The following DOCK5 variants were observed in gnomAD, a reference collection of about 807,000 sequenced individuals.
DOCK5 encodes the protein dedicator of cytokinesis protein 5.
In DOCK5, 142 loss-of-function variants were observed where a neutral mutation model predicts 251.8. The observed-to-expected ratio is 0.56, with a 90% confidence interval of 0.49 to 0.65. The LOEUF is 0.65. Among genes scored for constraint, DOCK5 ranks in the 30% least tolerant of loss-of-function variants. The pLI, the probability that DOCK5 is intolerant of heterozygous loss-of-function variation, is 0.00. For synonymous variants in DOCK5, 842 were observed against 835.5 expected (o/e 1.01, Z -0.13); for missense variants, 2,111 against 2,312.3 (o/e 0.91, Z 1.79).
At chr8:25,407,259 T>C (rs144398373) in intron 48 of DOCK5, among the ~76,000 whole-genome samples, 9 of 152,214 alleles carry the variant, frequency 5.9e-5, no homozygotes, top group African/African-American at 2.2e-4. Flanking sequence ...TAGATTACAT[T>C]CTAGTAGTAT....
rs375221561 is a variant in DOCK5 at position 25,210,008 on chromosome 8, T to TTATATATATA, written c.43+25074_43+25083dup. On this transcript the variant is annotated intron_variant, in intron 1 of 51. Transcript: ENST00000276440. ...GGCACATGCCACCATCCCCGGCTAA[T>TTATATATATA]TATATATATATATATATATATATAT... Among the ~76,000 whole-genome samples, 26 of 27,210 alleles carry TTATATATATA rather than the reference T, an allele frequency of 9.6e-4. 3 individuals carry two copies. The highest frequency in any genetic ancestry group is 2.6e-3 in the African/African-American group (24 of 9,294). 17.9% of individuals were successfully genotyped at this position (27,210 alleles called of 152,430 possible).
intron 1 of DOCK5, among the ~76,000 whole-genome samples, chr8:25,220,519 G>T (rs954339894): frequency 2.0e-5 from 3 of 151,456 alleles, no homozygotes; most frequent in Non-Finnish European, 4.4e-5. Context: ...AGCAGGAGGG[G>T]CTGGGGTCAC....
In DOCK5 at chr8:25,345,552, C is replaced by G. The variant is rs1186955493; in HGVS notation, c.2695C>G (p.His899Asp). 2 of 1,613,826 alleles carry G rather than the reference C, an allele frequency of 1.2e-6. No individual in the cohort carries two copies. The highest frequency in any genetic ancestry group is 2.2e-5 in the East Asian group (1 of 44,884). Residue 899 changes from histidine (H) to aspartate (D), a missense_variant, in exon 26 of 52, where the codon CAC (histidine) becomes GAC (aspartate). His to Asp is a moderately conservative substitution (Grantham distance 81). This residue lies in a region of DOCK5 where 1,717 missense variants were observed against 1,892.4 expected (regional missense o/e 0.91). Transcript: ENST00000276440. ...QLDDNSNKPDHEASSQLLSNI... is the reference protein window; with the variant it reads ...QLDDNSNKPDDEASSQLLSNI... ...AGATGACAACTCCAACAAGCCTGAC[C>G]ACGAGGCAAGCTCGCAGCTTCTGAG...
At chr8:25,362,839 C>T (rs1377142807) in intron 28 of DOCK5, among the ~76,000 whole-genome samples, 1 of 152,126 alleles carries the variant, frequency 6.6e-6, no homozygotes, top group African/African-American at 2.4e-5. Context: ...CCTCATCTTC[C>T]TTATAGGGTC....
chr8:25,336,273 A>G lies in DOCK5; in HGVS notation c.2227A>G (p.Asn743Asp), dbSNP rs757209496. ...CAAGGTACTGAACTTCTATGTGGCT[A>G]ATGCAGATGACTCCAGCAAGACTGA... Reference protein sequence around the residue: ...LSKVLNFYVANADDSSKTELL... With the variant: ...LSKVLNFYVADADDSSKTELL... The change falls in exon 22 of 52, where the codon AAT becomes GAT. Residue 743 changes from asparagine (N) to aspartate (D), a missense_variant. Transcript: ENST00000276440. 5 of 1,613,892 alleles carry G rather than the reference A, an allele frequency of 3.1e-6. No homozygotes were observed. Among genetic ancestry groups the G allele is most frequent in the Non-Finnish European group, 3.4e-6 (4 of 1,179,820 alleles).
chr8:25,279,674 G>A (rs1463548343), intron 5 of DOCK5, among the ~76,000 whole-genome samples: 1 of 152,054 alleles, frequency 6.6e-6, no homozygotes, highest in Non-Finnish European at 1.5e-5. Flanking sequence ...CTGGAGTGCA[G>A]TGACACCATC....
chr8:25,411,137 G>A, intron 51 of DOCK5, 57 bp from the exon 52 acceptor site: 2 of 1,445,952 alleles, frequency 1.4e-6, no homozygotes, highest in Non-Finnish European at 1.8e-6. Context: ...GGAGGAGAAG[G>A]CAGAATTGGG....
At chr8:25,410,939 A>AATGTGTGTGTG (rs1554513012) in intron 51 of DOCK5, among the ~76,000 whole-genome samples, 5,165 of 99,364 alleles carry the variant, frequency 0.052, 136 homozygotes, top group East Asian at 0.1. Flanking sequence ...GAGAGAGAAA[A>AATGTGTGTGTG]TGTGTGTGTG....
intron 26 of DOCK5, among the ~76,000 whole-genome samples, chr8:25,346,111 A>G (rs1209163831): frequency 1.3e-5 from 2 of 151,898 alleles, no homozygotes; most frequent in Admixed American, 6.6e-5. Flanking sequence ...CGGCCTCCCA[A>G]AGTGGTGGGA....
intron 3 of DOCK5, among the ~76,000 whole-genome samples, chr8:25,272,759 C>T (rs937556441): frequency 4.6e-5 from 7 of 152,104 alleles, no homozygotes; most frequent in Non-Finnish European, 1.0e-4. Context: ...TCCAGTGGCA[C>T]TAAGTACATT....
At chr8:25,265,756 G>A (rs1206470535) in intron 2 of DOCK5, among the ~76,000 whole-genome samples, 1 of 151,890 alleles carries the variant, frequency 6.6e-6, no homozygotes, top group Non-Finnish European at 1.5e-5. Flanking sequence ...AGATCTGTTG[G>A]ACAGAAAGTG....
chr8:25,325,592 C>T (rs776732774), intron 18 of DOCK5, 45 bp downstream of exon 18: 37 of 1,596,288 alleles, frequency 2.3e-5, no homozygotes, highest in Non-Finnish European at 3.0e-5. Flanking sequence ...TCTTGCTCAG[C>T]CTTTCTGGGC....
intron 2 of DOCK5, among the ~76,000 whole-genome samples, chr8:25,259,745 G>A (rs980443317): frequency 5.3e-5 from 8 of 152,128 alleles, no homozygotes; most frequent in Non-Finnish European, 1.0e-4. Flanking sequence ...ACAGGTGTGA[G>A]CCACCGCACC....
At chr8:25,310,199 G>A (rs189868463) in intron 12 of DOCK5, among the ~76,000 whole-genome samples, 2 of 151,956 alleles carry the variant, frequency 1.3e-5, no homozygotes, top group East Asian at 3.9e-4. Flanking sequence ...CCCAAAGTTA[G>A]CATCTGTTCA....
chr8:25,256,176 G>A (rs1464608255), intron 2 of DOCK5, among the ~76,000 whole-genome samples: 2 of 152,254 alleles, frequency 1.3e-5, no homozygotes, highest in East Asian at 1.9e-4. Context: ...TGTTTGTCAT[G>A]CAACCAAGAA....
chr8:25,374,940 T>C (rs189549968), intron 37 of DOCK5: 3 of 1,238,494 alleles, frequency 2.4e-6, no homozygotes, highest in East Asian at 9.2e-5. Flanking sequence ...GATGAATACA[T>C]AAAAAAATTT....
At chr8:25,292,403 GGAAA>G (rs1804516624) in intron 6 of DOCK5, among the ~76,000 whole-genome samples, 1 of 152,106 alleles carries the variant, frequency 6.6e-6, no homozygotes, top group Non-Finnish European at 1.5e-5. Context: ...CAGATGATCA[GGAAA>G]GATGGGTCTT....
At chr8:25,401,724 ACT>A (rs1411682525) in intron 47 of DOCK5, among the ~76,000 whole-genome samples, 1 of 152,150 alleles carries the variant, frequency 6.6e-6, no homozygotes, top group Non-Finnish European at 1.5e-5. Context: ...ACAGAGCGAG[ACT>A]CTATCTCAAA....
chr8:25,309,304 C>T (rs1218452354), intron 12 of DOCK5, among the ~76,000 whole-genome samples: 1 of 152,168 alleles, frequency 6.6e-6, no homozygotes, highest in African/African-American at 2.4e-5. Flanking sequence ...CTACCTCAGC[C>T]TTCCAAGTAG....
Sources: gnomAD v4.1 joint callset for allele counts (sites outside exome capture counted in the v4.1 genomes callset) on GRCh38, gnomAD v4.1.1 for gene constraint, gnomAD v4.1.1 regional missense constraint, MANE v1.5 for transcripts, NCBI Gene and HGNC (gene_info 2026-07-23, HGNC 2026-07-21) for gene names.